Variants in AP2A2 observed in about 807,000 individuals in gnomAD.
The protein encoded by AP2A2 is adaptor related protein complex 2 subunit alpha 2, also known as AP-2 complex subunit alpha-2.
In AP2A2, 32 loss-of-function variants were observed where a neutral mutation model predicts 104.2. The ratio of observed to expected loss-of-function variants is 0.31; its 90% CI spans 0.23 to 0.41. The LOEUF is 0.41. Ranked by LOEUF, AP2A2 falls within the 10% of genes least tolerant of loss-of-function variation. The probability of loss-of-function intolerance (pLI) is 1.00; values close to 1 mark genes in which losing one functional copy is unlikely to be tolerated. For missense variants in AP2A2, 912 were observed against 1,261.0 expected (o/e 0.72, Z 4.19); for synonymous variants, 539 against 533.3 (o/e 1.01, Z -0.15).
intron 1 of AP2A2, among the ~76,000 whole-genome samples, chr11:926,983 A>AT (rs1853141370): frequency 6.6e-6 from 1 of 152,122 alleles, no homozygotes; most frequent in Non-Finnish European, 1.5e-5. Context: ...TCCTTATTTA[A>AT]TTTGAGGGAG....
At chr11:966,934 C>T (rs900807975) in intron 2 of AP2A2, among the ~76,000 whole-genome samples, 4 of 152,094 alleles carry the variant, frequency 2.6e-5, no homozygotes, top group South Asian at 2.1e-4. Flanking sequence ...TTTAGGAGGC[C>T]GAGGAGGGCA....
chr11:994,123 T>C lies in AP2A2; in HGVS notation c.1834T>C (p.Leu612=). The C allele has an allele frequency of 6.2e-7, 1 of 1,613,060 alleles. No homozygotes were observed. Among genetic ancestry groups the C allele is most frequent in the South Asian group, 1.1e-5 (1 of 91,072 alleles). ...ATTCCCGGAGCGGGAGTCCTCCATC[T>C]TGGCAAAGCTCAAGAAGAAGAAGGG... ...PPFPERESSI[L]AKLKKKKGPS... The change falls in exon 14 of 22, where the codon TTG becomes CTG. Residue 612 remains leucine (L), a synonymous_variant. Transcript: ENST00000448903.
rs538196391 is a variant in AP2A2, at chr11:948,933, T to C, written c.68-10504T>C. On this transcript the variant is annotated intron_variant, in intron 1 of 21. Transcript: ENST00000448903. The stretch of plus-strand genomic sequence containing the variant: ...AATAAGCTCTGGGCCAGGTGGCTTC[T>C]CTAGAAAAGTCACACTTACTGAGCT... Among the ~76,000 whole-genome samples, 6 of 152,232 alleles carry C rather than the reference T, an allele frequency of 3.9e-5. No homozygotes were observed. In the East Asian group the frequency reaches 1.2e-3, roughly 30 times the overall value.
chr11:985,136 A>G (rs1589994506), intron 7 of AP2A2, among the ~76,000 whole-genome samples: 1 of 152,136 alleles, frequency 6.6e-6, no homozygotes, highest in Non-Finnish European at 1.5e-5. Flanking sequence ...GGCACCTGCC[A>G]TCATACCCGG....
intron 1 of AP2A2, among the ~76,000 whole-genome samples, chr11:944,477 CAT>C (rs1435135729): frequency 6.6e-6 from 1 of 152,120 alleles, no homozygotes; most frequent in East Asian, 1.9e-4. Context: ...AAAAGAAAAA[CAT>C]AGTTTAGTGG....
At chr11:978,165 C>T (rs945863072) in intron 5 of AP2A2, among the ~76,000 whole-genome samples, 4 of 152,146 alleles carry the variant, frequency 2.6e-5, no homozygotes, top group African/African-American at 4.8e-5. Flanking sequence ...AGCTGTGAGT[C>T]GGCAGGGCCT....
chr11:928,460 A>C (rs1044813363), intron 1 of AP2A2, among the ~76,000 whole-genome samples: 3 of 152,214 alleles, frequency 2.0e-5, no homozygotes, highest in African/African-American at 7.2e-5. Context: ...GGATATGGGG[A>C]AACTGCTGTA....
chr11:954,607 TTGTG>T (rs1000976798), intron 1 of AP2A2, among the ~76,000 whole-genome samples: 3 of 152,150 alleles, frequency 2.0e-5, no homozygotes, highest in African/African-American at 7.2e-5. Context: ...ATTTGTGTAT[TTGTG>T]TGTATTTGGT....
chr11:976,944 C>G (rs1267802191), intron 4 of AP2A2, 151 bp from the exon 5 acceptor site: 1 of 955,968 alleles, frequency 1.0e-6, no homozygotes, highest in East Asian at 2.7e-5. Flanking sequence ...GCTGCTGCCC[C>G]CTAGGCGGCC....
chr11:940,046 C>T (rs1326838818), intron 1 of AP2A2, among the ~76,000 whole-genome samples: 2 of 146,742 alleles, frequency 1.4e-5, no homozygotes, highest in African/African-American at 5.1e-5. Flanking sequence ...ACCTCTTCTG[C>T]CGGGTTCAAG....
intron 2 of AP2A2, among the ~76,000 whole-genome samples, chr11:962,503 C>T (rs888729142): frequency 3.9e-5 from 6 of 152,246 alleles, no homozygotes; most frequent in South Asian, 2.1e-4. Flanking sequence ...GAGGCTGAGG[C>T]GGGCGGATCG....
At chr11:995,655 C>T (rs2133752588) in intron 14 of AP2A2, among the ~76,000 whole-genome samples, 1 of 147,826 alleles carries the variant, frequency 6.8e-6, no homozygotes, top group East Asian at 2.0e-4. Flanking sequence ...TGTGTCCTGC[C>T]CCTCTGGCCG....
In AP2A2 at chr11:993,202, G is replaced by A. The variant is rs550377803; in HGVS notation, c.1453-82G>A. 22 of 1,087,298 alleles carry A rather than the reference G, an allele frequency of 2.0e-5. No individual in the cohort carries two copies. The South Asian group carries it at 3.3e-4, about 16-fold the overall frequency. The allele number at this position is 1,087,298 out of a possible 1,614,324, so 67.4% of individuals were successfully genotyped here. A position where few individuals can be genotyped will look rare whatever the true frequency, so the allele number is the denominator to read the frequency against. Reference sequence around the variant, plus strand: ...AGCTGAGGGGCTGGTGCTGGTGTAGGGTGCACCGCGCCAGGACGTGCCCGC... The same window carrying A: ...AGCTGAGGGGCTGGTGCTGGTGTAGAGTGCACCGCGCCAGGACGTGCCCGC... On this transcript the variant is annotated intron_variant, in intron 11 of 21. Coordinates refer to ENST00000448903, the MANE Select transcript of AP2A2 (RefSeq NM_012305.4). The surrounding 1 kb of genome is among the most constrained non-coding windows in gnomAD (Gnocchi z 8.2).
rs1000334766 is a variant in AP2A2, at chr11:1,008,112, G to A, written c.2397G>A (p.Ala799=). 3.1e-6 allele frequency: 5 copies of A among 1,606,800 alleles called. No homozygotes were observed. The highest frequency in any genetic ancestry group is 1.7e-5 in the Admixed American group (1 of 59,336). ...NIECVSDFTE[A]PVLNIQFRYG... is the part of the protein sequence containing the mutation. ...AGTGCGTGTCCGACTTCACGGAGGCGCCAGTCCTCAACATTCAGTTCAGGT... is the reference window on the plus strand; with the variant it reads ...AGTGCGTGTCCGACTTCACGGAGGCACCAGTCCTCAACATTCAGTTCAGGT... Residue 799 remains alanine (A), a synonymous_variant, in exon 18 of 22, where the codon GCG becomes GCA. Transcript: ENST00000448903.
chr11:985,582 GGTGTGTCGGCTGCCT>G lies in AP2A2; in HGVS notation c.962+4_962+18del. ...ATCAGCTTAATCATTCACCATGACA[GGTGTGTCGGCTGCCT>G]GTGGAGAGGCTTCGTCTCGCGCACA... On this transcript the variant is annotated splice_donor_variant and splice_donor_5th_base_variant and intron_variant, in intron 8 of 21. Coordinates refer to ENST00000448903, the MANE Select transcript of AP2A2 (RefSeq NM_012305.4). LOFTEE classifies it high-confidence loss of function. The G allele has an allele frequency of 6.2e-7, 1 of 1,613,910 alleles. No homozygotes were observed. The highest frequency in any genetic ancestry group is 8.5e-7 in the Non-Finnish European group (1 of 1,179,880).
At chr11:985,645 C>T in intron 8 of AP2A2, 63 bp downstream of exon 8, 1 of 1,601,104 alleles carries the variant, frequency 6.2e-7, no homozygotes, top group Non-Finnish European at 8.5e-7. Flanking sequence ...TTCTCGTTGG[C>T]ACGAGACTGG....
chr11:953,354 A>G lies in AP2A2; in HGVS notation c.68-6083A>G, dbSNP rs1854116543. Among the ~76,000 whole-genome samples, 6 of 152,124 alleles carry G rather than the reference A, an allele frequency of 3.9e-5. No individual in the cohort carries two copies. In the South Asian group the frequency reaches 1.2e-3, roughly 32 times the overall value. On this transcript the variant is annotated intron_variant, in intron 1 of 21. Coordinates refer to ENST00000448903, the MANE Select transcript of AP2A2 (RefSeq NM_012305.4). The stretch of plus-strand genomic sequence containing the variant: ...TAATTTTTGTGTTTTTACTAGAGAC[A>G]GGATTTCACCATGTTGCCCAGGCTG...
intron 1 of AP2A2, among the ~76,000 whole-genome samples, chr11:927,145 A>G (rs1853146454): frequency 6.6e-6 from 1 of 152,040 alleles, no homozygotes. Context: ...CGGCGCACTC[A>G]ACCTCCCACC....
In AP2A2 at chr11:988,647, G is replaced by A. The variant is rs1290732177; in HGVS notation, c.1227G>A (p.Leu409=). The A allele has an allele frequency of 6.2e-7, 1 of 1,613,734 alleles. No individual in the cohort carries two copies. Among genetic ancestry groups the A allele is most frequent in the East Asian group, 2.2e-5 (1 of 44,882 alleles). Residue 409 remains leucine (L), a synonymous_variant, in exon 10 of 22, where the codon CTG becomes CTA. Transcript: ENST00000448903. ...CCCCACAGATCGTGGCCGAGATGCT[G>A]AGCTATCTGGAGACAGCTGACTACT... The part of the protein sequence containing the change: ...SNAPQIVAEM[L]SYLETADYSI...
Sources: allele counts gnomAD v4.1 joint callset (sites outside exome capture counted in the v4.1 genomes callset), GRCh38; gene constraint gnomAD v4.1.1; non-coding constraint Gnocchi (gnomAD v3.1); transcripts MANE v1.5; gene names NCBI Gene and HGNC (gene_info 2026-07-23, HGNC 2026-07-21).